Variants in DIS3L2 observed in about 807,000 individuals in gnomAD.
The protein encoded by DIS3L2 is DIS3-like exonuclease 2.
DIS3L2 carries 34 observed loss-of-function variants against 97.5 expected under a neutral mutation model. The ratio of observed to expected loss-of-function variants is 0.35; its 90% CI spans 0.27 to 0.46. DIS3L2 has a LOEUF of 0.46. DIS3L2 is among the 20% of genes least tolerant of loss of function. The pLI, the probability that DIS3L2 is intolerant of heterozygous loss-of-function variation, is 1.00. For missense variants in DIS3L2, 1,038 were observed against 1,146.0 expected (o/e 0.91, Z 1.36); for synonymous variants, 435 against 445.2 (o/e 0.98, Z 0.29).
chr2:232,246,419 G>T (rs1367585524), intron 11 of DIS3L2, among the ~76,000 whole-genome samples: 1 of 152,254 alleles, frequency 6.6e-6, no homozygotes, highest in Non-Finnish European at 1.5e-5. Flanking sequence ...TGTGACTGGT[G>T]TTGCCAGTGC....
intron 14 of DIS3L2, among the ~76,000 whole-genome samples, chr2:232,312,208 G>A (rs915301827): frequency 2.0e-5 from 3 of 152,044 alleles, no homozygotes; most frequent in African/African-American, 4.8e-5. Flanking sequence ...TCAGTATGTC[G>A]ATCTTTTTTA....
chr2:232,097,118 G>T (rs1286547108), intron 6 of DIS3L2, among the ~76,000 whole-genome samples: 1 of 152,194 alleles, frequency 6.6e-6, no homozygotes, highest in African/African-American at 2.4e-5. Flanking sequence ...AGCCGTATGT[G>T]CATTAGGGGT....
At position 232,336,512 on chromosome 2, in the gene DIS3L2, A is replaced by T; in HGVS notation, c.2540A>T (p.Glu847Val). 1 of 1,611,408 alleles carries T rather than the reference A, an allele frequency of 6.2e-7. No individual in the cohort carries two copies. ...FSLVEVVLQA[E>V]STALKYSAIL... is the part of the protein sequence containing the mutation. Reference sequence around the variant, plus strand: ...CTGGTGGAGGTGGTCCTGCAGGCAGAGTCCACAGCCCTCAAGTACAGCGCC... The same window carrying T: ...CTGGTGGAGGTGGTCCTGCAGGCAGTGTCCACAGCCCTCAAGTACAGCGCC... The change falls in exon 21 of 21, where the codon GAG becomes GTG. Residue 847 changes from glutamate to valine, a missense_variant. By Grantham distance (121) the Glu-to-Val change is moderately radical (BLOSUM62 -2). This residue lies in a region of DIS3L2 where 221 missense variants were observed against 246.9 expected (regional missense o/e 0.90). Transcript: ENST00000325385.
At chr2:232,320,437 A>C (rs1353800345) in intron 14 of DIS3L2, among the ~76,000 whole-genome samples, 1 of 152,236 alleles carries the variant, frequency 6.6e-6, no homozygotes, top group Non-Finnish European at 1.5e-5. Flanking sequence ...TCATGCAACC[A>C]ACAGATGAGT....
intron 8 of DIS3L2, among the ~76,000 whole-genome samples, chr2:232,143,989 A>G (rs1690145331): frequency 6.6e-6 from 1 of 151,966 alleles, no homozygotes; most frequent in South Asian, 2.1e-4. Flanking sequence ...TTCTTCTATC[A>G]TTTGCCTTTT....
intron 10 of DIS3L2, among the ~76,000 whole-genome samples, chr2:232,237,990 G>A (rs561603430): frequency 4.6e-5 from 7 of 152,224 alleles, no homozygotes; most frequent in Admixed American, 2.6e-4. Flanking sequence ...GTAAGGACAT[G>A]AATAACAGGC....
At chr2:232,338,451 G>C (rs889564182), downstream of DIS3L2, among the ~76,000 whole-genome samples, 13 of 144,728 alleles carry the variant, frequency 9.0e-5, no homozygotes, top group African/African-American at 2.9e-4. Context: ...CTCACCTTCC[G>C]TGCTGGCCCC....
At chr2:232,163,730 AAGTTCAGTTC>A (rs1184408357) in intron 9 of DIS3L2, 98 bp downstream of exon 9, 4 of 1,388,016 alleles carry the variant, frequency 2.9e-6, no homozygotes, top group South Asian at 3.0e-5. Context: ...ACGAACATTC[AAGTTCAGTTC>A]AGTTGGGAAT....
At chr2:232,006,111 C>T (rs193278901) in intron 1 of DIS3L2, among the ~76,000 whole-genome samples, 73 of 152,222 alleles carry the variant, frequency 4.8e-4, no homozygotes, top group Middle Eastern at 6.8e-3. Context: ...TGCTTGAACC[C>T]GGGAGGCAGA....
intron 12 of DIS3L2, among the ~76,000 whole-genome samples, chr2:232,252,667 G>A (rs371124535): frequency 3.9e-5 from 6 of 152,302 alleles, no homozygotes; most frequent in East Asian, 3.9e-4. Context: ...TTGGGAGGCC[G>A]AAGCGGGCAG....
chr2:231,974,207 G>A (rs1450182462), intron 1 of DIS3L2, among the ~76,000 whole-genome samples: 1 of 152,168 alleles, frequency 6.6e-6, no homozygotes, highest in Admixed American at 6.6e-5. Flanking sequence ...GTGTGCACAA[G>A]TCTAAGTAAA....
chr2:232,334,063 G>A, intron 17 of DIS3L2, 76 bp downstream of exon 17: 7 of 1,526,772 alleles, frequency 4.6e-6, no homozygotes, highest in Non-Finnish European at 5.3e-6. Flanking sequence ...GTGCTCAGTG[G>A]CCCAAGACCA....
At chr2:232,163,266 C>T (rs938336352) in intron 8 of DIS3L2, among the ~76,000 whole-genome samples, 193 bp from the exon 9 acceptor site, 2 of 152,098 alleles carry the variant, frequency 1.3e-5, no homozygotes, top group Admixed American at 6.6e-5. Flanking sequence ...CTGTAGTTAC[C>T]GATTTAACAG....
intron 14 of DIS3L2, among the ~76,000 whole-genome samples, chr2:232,312,708 T>C (rs58409898): frequency 0.021 from 3,227 of 152,336 alleles, 103 homozygotes; most frequent in African/African-American, 0.073. Context: ...TCAACACTTT[T>C]ATGATAATGA....
At chr2:232,270,880 C>CTT (rs757889141) in intron 13 of DIS3L2, among the ~76,000 whole-genome samples, 3,912 of 138,984 alleles carry the variant, frequency 0.028, 81 homozygotes, top group Non-Finnish European at 0.037. Flanking sequence ...CTCTCTCTCT[C>CTT]TCTCTCTCTC....
downstream of DIS3L2, chr2:232,339,593 C>T (rs777938266): frequency 1.0e-5 from 4 of 397,450 alleles, no homozygotes; most frequent in Non-Finnish European, 1.0e-5. Context: ...GGTTGGGCTC[C>T]TTTGTGGGAC....
intron 12 of DIS3L2, 74 bp downstream of exon 12, chr2:232,249,420 C>T (rs1693359947): frequency 2.0e-6 from 3 of 1,471,410 alleles, no homozygotes; most frequent in African/African-American, 2.8e-5. Flanking sequence ...TCACCATGTG[C>T]CTGGCACTGG....
intron 5 of DIS3L2, among the ~76,000 whole-genome samples, chr2:232,063,214 C>G (rs971097330): frequency 6.6e-6 from 1 of 152,132 alleles, no homozygotes; most frequent in Non-Finnish European, 1.5e-5. Flanking sequence ...GTTGGAGGTT[C>G]TAGCTTTTCT....
At chr2:232,221,903 T>G (rs1692517980) in intron 10 of DIS3L2, among the ~76,000 whole-genome samples, 1 of 152,020 alleles carries the variant, frequency 6.6e-6, no homozygotes, top group African/African-American at 2.4e-5. Context: ...CTTCGAATGC[T>G]GTTACTCCTA....
Sources: allele counts gnomAD v4.1 joint callset (sites outside exome capture counted in the v4.1 genomes callset), GRCh38; gene constraint gnomAD v4.1.1; regional missense constraint gnomAD v4.1.1; transcripts MANE v1.5; gene names NCBI Gene and HGNC (gene_info 2026-07-23, HGNC 2026-07-21).